Variants in CSNK2A2 observed in about 807,000 individuals in gnomAD.
CSNK2A2 encodes the protein casein kinase II subunit alpha'.
In CSNK2A2, 8 loss-of-function variants were observed where a neutral mutation model predicts 54.0. The ratio of observed to expected loss-of-function variants is 0.15; its 90% CI spans 0.09 to 0.27. The LOEUF is 0.27. Among genes scored for constraint, CSNK2A2 ranks in the 10% least tolerant of loss-of-function variants. The pLI, the probability that CSNK2A2 is intolerant of heterozygous loss-of-function variation, is 1.00. For synonymous variants in CSNK2A2, 141 were observed against 153.9 expected, an observed-to-expected ratio of 0.92 and a Z score of 0.62; for missense variants, 242 against 439.4, an observed-to-expected ratio of 0.55 and a Z score of 4.02.
chr16:58,190,479 C>T (rs1381363523), intron 2 of CSNK2A2, among the ~76,000 whole-genome samples: 3 of 152,172 alleles, frequency 2.0e-5, no homozygotes, highest in Non-Finnish European at 4.4e-5. Context: ...ACGTAATTCA[C>T]TACCCTGGTG....
In CSNK2A2 at chr16:58,179,317, T is replaced by C. The variant is rs551633821; in HGVS notation, c.370-4807A>G. Among the ~76,000 whole-genome samples the C allele has an allele frequency of 4.6e-5, 7 of 151,994 alleles. No homozygotes were observed. In the South Asian group the frequency reaches 1.2e-3, roughly 27 times the overall value. On this transcript the variant is annotated intron_variant, in intron 4 of 11. Transcript: ENST00000262506. ...GGGTTCAAGACCAGCCTGGTCAACA[T>C]GGTGGAACCCTGTTTCTACTAAAAA...
At position 58,193,698 on chromosome 16, in the gene CSNK2A2, G is replaced by A. The variant is rs78423422; in HGVS notation, c.216+3035C>T. On this transcript the variant is annotated intron_variant, in intron 2 of 11. Coordinates refer to ENST00000262506, the MANE Select transcript of CSNK2A2 (RefSeq NM_001896.4). The stretch of plus-strand genomic sequence containing the variant: ...TTTACTTCTGTGTACACTTTTCTAA[G>A]AGGTACTACAAAGGAAATGAAGAAC... 3.9e-5 allele frequency among the ~76,000 whole-genome samples: 6 copies of A among 152,302 alleles called. No homozygotes were observed. The East Asian group carries it at 9.6e-4, about 24-fold the overall frequency.
At chr16:58,190,227 ATTT>A (rs904269392) in intron 2 of CSNK2A2, among the ~76,000 whole-genome samples, 2 of 152,052 alleles carry the variant, frequency 1.3e-5, no homozygotes, top group African/African-American at 4.8e-5. Context: ...CAATAAAAAA[ATTT>A]TTTTTTAACT....
intron 2 of CSNK2A2, among the ~76,000 whole-genome samples, chr16:58,189,246 G>A (rs959664062): frequency 9.9e-5 from 15 of 152,162 alleles, no homozygotes; most frequent in African/African-American, 2.4e-5. Flanking sequence ...ATGAGCAACT[G>A]CGCCCGGCCA....
intron 4 of CSNK2A2, among the ~76,000 whole-genome samples, chr16:58,180,208 G>T (rs772431411): frequency 7.2e-5 from 11 of 151,746 alleles, no homozygotes; most frequent in Admixed American, 1.3e-4. Flanking sequence ...GATAGGAGCA[G>T]AAAGAGAAAA....
rs1206850644 is a variant in CSNK2A2 at position 58,197,753 on chromosome 16, G to A, written c.-17C>T. 1 of 1,075,406 alleles carries A rather than the reference G, an allele frequency of 9.3e-7. No homozygotes were observed. Among genetic ancestry groups the A allele is most frequent in the Non-Finnish European group, 1.2e-6 (1 of 853,760 alleles). The allele number at this position is 1,075,406 out of a possible 1,614,324, so 66.6% of individuals were successfully genotyped here. On this transcript the variant is annotated 5_prime_UTR_variant, in exon 1 of 12. Coordinates refer to ENST00000262506, the MANE Select transcript of CSNK2A2 (RefSeq NM_001896.4). This position sits in a 1 kb window ranked among gnomAD's most constrained non-coding sequence, Gnocchi z 4.0. ...GCCGGGCATGGCGGGCGGGACCGGG[G>A]GGCGGCGCGGGGCGCAGAGGGTGGC...
In CSNK2A2 at chr16:58,165,568, G is replaced by C; in HGVS notation, c.968C>G (p.Pro323Arg). 2 of 1,611,986 alleles carry C rather than the reference G, an allele frequency of 1.2e-6. No individual in the cohort carries two copies. The highest frequency in any genetic ancestry group is 4.5e-5 in the East Asian group (2 of 44,856). The change falls in exon 10 of 12, where the codon CCA becomes CGA. Residue 323 changes from proline to arginine, a missense_variant. Around this residue, in one of 5 missense-constraint regions of CSNK2A2, gnomAD observed 81 missense variants for 135.0 expected, o/e 0.60. Coordinates refer to ENST00000262506, the MANE Select transcript of CSNK2A2 (RefSeq NM_001896.4). ...AGTCCCTGGAGACTCACAGAAGTAT[G>C]GGTGCTCCATGGCCTCTTTGGCAGT... ...RLTAKEAMEHPYFYPVVKEQS... is the reference protein window; with the variant it reads ...RLTAKEAMEHRYFYPVVKEQS...
chr16:58,159,129 A>G (rs1472315757), intron 11 of CSNK2A2: 2 of 152,258 alleles, frequency 1.3e-5, no homozygotes, highest in Non-Finnish European at 2.9e-5. Flanking sequence ...GTTAAGAAAG[A>G]AATGACTATA....
At chr16:58,159,679 G>GAT (rs1961268812) in intron 11 of CSNK2A2, 1 of 152,100 alleles carries the variant, frequency 6.6e-6, no homozygotes, top group South Asian at 2.1e-4. Flanking sequence ...GTCATCCAGT[G>GAT]ATACAAAGAG....
At chr16:58,176,447 C>T (rs937691489) in intron 4 of CSNK2A2, among the ~76,000 whole-genome samples, 8 of 152,144 alleles carry the variant, frequency 5.3e-5, no homozygotes, top group African/African-American at 1.9e-4. Flanking sequence ...TTACAAAGTC[C>T]CAAGTGACTG....
chr16:58,164,561 G>A lies in CSNK2A2; in HGVS notation c.977-414C>T, dbSNP rs772274805. On this transcript the variant is annotated intron_variant, in intron 10 of 11. Coordinates refer to ENST00000262506, the MANE Select transcript of CSNK2A2 (RefSeq NM_001896.4). Reference sequence around the variant, plus strand: ...GAAGACCTATCCATTTTAAGCAACCGTAGTTTGAAATTTTTTAAATTGAAG... The same window carrying A: ...GAAGACCTATCCATTTTAAGCAACCATAGTTTGAAATTTTTTAAATTGAAG... Among the ~76,000 whole-genome samples, 46 of 152,152 alleles carry A rather than the reference G, an allele frequency of 3.0e-4. 1 individual carries two copies. The highest frequency in any genetic ancestry group is 8.4e-4 in the African/African-American group (35 of 41,422).
At chr16:58,185,033 T>C (rs1962153612) in intron 3 of CSNK2A2, among the ~76,000 whole-genome samples, 1 of 152,198 alleles carries the variant, frequency 6.6e-6, no homozygotes, top group Non-Finnish European at 1.5e-5. Flanking sequence ...AAGTGCTCAA[T>C]ATCATCTTGT....
intron 2 of CSNK2A2, among the ~76,000 whole-genome samples, chr16:58,187,965 T>C (rs1000153042): frequency 3.3e-5 from 5 of 150,538 alleles, no homozygotes; most frequent in African/African-American, 1.2e-4. Context: ...ACTGTTATAA[T>C]AGCAGAGGCA....
intron 4 of CSNK2A2, among the ~76,000 whole-genome samples, chr16:58,180,065 C>T (rs866413759): frequency 9.3e-4 from 119 of 127,916 alleles, no homozygotes; most frequent in African/African-American, 3.4e-3. Flanking sequence ...GGCAACAGAG[C>T]GAGACTCCTT....
chr16:58,196,935 G>A (rs1287097131), intron 1 of CSNK2A2, 91 bp from the exon 2 acceptor site: 2 of 817,268 alleles, frequency 2.4e-6, no homozygotes, highest in Non-Finnish European at 4.4e-6. Flanking sequence ...CTTCCACCAG[G>A]CAAACACTTG....
intron 5 of CSNK2A2, among the ~76,000 whole-genome samples, chr16:58,173,846 A>C (rs2142423592): frequency 6.6e-6 from 1 of 152,328 alleles, no homozygotes; most frequent in South Asian, 2.1e-4. Flanking sequence ...GCTTTGGCCA[A>C]TAGGGTTATT....
At position 58,166,682 on chromosome 16, in the gene CSNK2A2, A is replaced by G. The variant is rs1431134446; in HGVS notation, c.729T>C (p.Leu243=). The change falls in exon 9 of 12, where the codon CTT becomes CTC. Residue 243 remains leucine, a splice_region_variant and synonymous_variant. Coordinates refer to ENST00000262506, the MANE Select transcript of CSNK2A2 (RefSeq NM_001896.4). Reference sequence around the variant, plus strand: ...TACCCAGAACCTTGGCAATGCGAACAAGCTGAAACACAAAACAAACTGACC... The same window carrying G: ...TACCCAGAACCTTGGCAATGCGAACGAGCTGAAACACAAAACAAACTGACC... ...FFHGQDNYDQ[L]VRIAKVLGTE... 5 of 1,611,912 alleles carry G rather than the reference A, an allele frequency of 3.1e-6. No homozygotes were observed. The East Asian group carries it at 1.1e-4, about 36-fold the overall frequency.
intron 2 of CSNK2A2, among the ~76,000 whole-genome samples, chr16:58,195,830 T>C (rs978859744): frequency 4.6e-5 from 7 of 152,268 alleles, no homozygotes; most frequent in African/African-American, 1.4e-4. Flanking sequence ...CAATTATTAC[T>C]TTAGTAATTA....
At chr16:58,173,449 G>A (rs1468641635) in intron 5 of CSNK2A2, among the ~76,000 whole-genome samples, 1 of 152,150 alleles carries the variant, frequency 6.6e-6, no homozygotes, top group African/African-American at 2.4e-5. Flanking sequence ...TAGGTTCTTA[G>A]TGATCCAGGA....
Sources: gnomAD v4.1 joint callset for allele counts (sites outside exome capture counted in the v4.1 genomes callset) on GRCh38, gnomAD v4.1.1 for gene constraint, gnomAD v4.1.1 regional missense constraint, Gnocchi (gnomAD v3.1) non-coding constraint, MANE v1.5 for transcripts, NCBI Gene and HGNC (gene_info 2026-07-23, HGNC 2026-07-21) for gene names.